Variants in SYN3 observed in about 807,000 individuals in gnomAD.
SYN3 encodes the protein synapsin-3.
A neutral mutation model predicts 65.8 loss-of-function variants in SYN3; 35 were observed. That is an observed-to-expected ratio of 0.53 (90% CI 0.41 to 0.70). The LOEUF (loss-of-function observed/expected upper bound fraction) is 0.70, where lower values mean the gene tolerates loss of function less well. Ranked by LOEUF, SYN3 falls within the 30% of genes least tolerant of loss-of-function variation. The pLI is 0.00. For missense variants in SYN3, 680 were observed against 749.0 expected, an observed-to-expected ratio of 0.91 and a Z score of 1.08; for synonymous variants, 270 against 292.9, an observed-to-expected ratio of 0.92 and a Z score of 0.80.
intron 6 of SYN3, among the ~76,000 whole-genome samples, chr22:32,687,736 C>T (rs978522066): frequency 1.9e-4 from 8 of 42,722 alleles, no homozygotes; most frequent in East Asian, 7.1e-4. Flanking sequence ...TTTTCCTCCT[C>T]GCTTCAAGGA....
intron 7 of SYN3, among the ~76,000 whole-genome samples, chr22:32,568,751 CTG>C (rs2058705914): frequency 6.6e-6 from 1 of 152,182 alleles, no homozygotes; most frequent in African/African-American, 2.4e-5. Flanking sequence ...TTTAACATAT[CTG>C]TAGCAGACAG....
chr22:32,861,902 A>G (rs2048550754), intron 6 of SYN3: 1 of 152,628 alleles, frequency 6.6e-6, no homozygotes, highest in Admixed American at 6.5e-5. Context: ...AGGCTGTAAT[A>G]TGTGTACATT....
chr22:32,772,892 G>A (rs1489103468), intron 6 of SYN3, among the ~76,000 whole-genome samples: 2 of 152,162 alleles, frequency 1.3e-5, no homozygotes, highest in Non-Finnish European at 2.9e-5. Flanking sequence ...CCATAACTGC[G>A]AGACAAAAAA....
At chr22:32,973,738 G>A (rs2052094314) in intron 3 of SYN3, among the ~76,000 whole-genome samples, 1 of 152,180 alleles carries the variant, frequency 6.6e-6, no homozygotes, top group Non-Finnish European at 1.5e-5. Flanking sequence ...TCTGCTGCTT[G>A]TTTAACATCT....
intron 6 of SYN3, among the ~76,000 whole-genome samples, chr22:32,633,062 C>T (rs892528189): frequency 7.9e-5 from 12 of 152,218 alleles, no homozygotes; most frequent in African/African-American, 2.9e-4. Flanking sequence ...CTTCTCCACT[C>T]TGAACCTTGG....
chr22:32,527,875 C>G, intron 12 of SYN3, 43 bp downstream of exon 12: 2 of 1,526,642 alleles, frequency 1.3e-6, no homozygotes, highest in South Asian at 2.4e-5. Context: ...ATTTCAGCAC[C>G]CTCACTGCAT....
chr22:32,947,371 T>C (rs989996245), intron 3 of SYN3: 3 of 152,250 alleles, frequency 2.0e-5, no homozygotes, highest in Admixed American at 2.0e-4. Context: ...CATTGTTTTA[T>C]ACCCAGCTCC....
chr22:32,727,774 T>C (rs2061216000), intron 6 of SYN3, among the ~76,000 whole-genome samples: 1 of 152,270 alleles, frequency 6.6e-6, no homozygotes. Flanking sequence ...TGCATGTATG[T>C]CTTCTTTTAA....
intron 1 of SYN3, among the ~76,000 whole-genome samples, chr22:33,023,481 C>G (rs757088072): frequency 3.3e-5 from 5 of 152,166 alleles, no homozygotes; most frequent in Non-Finnish European, 7.3e-5. Context: ...AACCCCTTTC[C>G]TTTATAAATT....
intron 7 of SYN3, among the ~76,000 whole-genome samples, chr22:32,558,435 TAGTA>T (rs1169114702): frequency 6.6e-6 from 1 of 152,210 alleles, no homozygotes; most frequent in East Asian, 1.9e-4. Context: ...AGCACCCAGC[TAGTA>T]AGTGGAGGAA....
chr22:33,056,016 T>C (rs2054248667), intron 1 of SYN3, among the ~76,000 whole-genome samples: 1 of 152,332 alleles, frequency 6.6e-6, no homozygotes. Flanking sequence ...ATTATTATAA[T>C]TATTATTTTG....
intron 6 of SYN3, among the ~76,000 whole-genome samples, chr22:32,660,287 C>A (rs1256336968): frequency 6.6e-6 from 1 of 152,222 alleles, no homozygotes; most frequent in African/African-American, 2.4e-5. Flanking sequence ...TTGCTCATCA[C>A]CTGTAACTTC....
chr22:32,573,801 G>T (rs1053521424), intron 7 of SYN3, among the ~76,000 whole-genome samples: 11 of 140,166 alleles, frequency 7.8e-5, no homozygotes, highest in Admixed American at 3.0e-4. Context: ...ACAGAGTCTC[G>T]CTGTGTCGCC....
chr22:32,933,186 T>C (rs1344994501), intron 3 of SYN3, among the ~76,000 whole-genome samples: 4 of 152,208 alleles, frequency 2.6e-5, no homozygotes, highest in African/African-American at 9.6e-5. Context: ...TTATACACAG[T>C]AGATGCCAAA....
At chr22:32,602,027 T>A (rs144878135) in intron 6 of SYN3, among the ~76,000 whole-genome samples, 112 of 152,050 alleles carry the variant, frequency 7.4e-4, no homozygotes, top group African/African-American at 2.5e-3. Flanking sequence ...TTGTCTACAA[T>A]CTCATTGTCT....
In SYN3 at chr22:33,010,393, C is replaced by T. The variant is rs927499946; in HGVS notation, c.-162-3569G>A. Among the ~76,000 whole-genome samples, 7 of 152,102 alleles carry T rather than the reference C, an allele frequency of 4.6e-5. No individual in the cohort carries two copies. The East Asian group carries it at 5.8e-4, about 13-fold the overall frequency. On this transcript the variant is annotated intron_variant, in intron 1 of 13. Coordinates refer to ENST00000358763, the MANE Select transcript of SYN3 (RefSeq NM_003490.4). ...AGGGTATGAAGTTCATTTTCAGCCC[C>T]GTTCATTTATCCAGGTTGCCAGCAC...
intron 2 of SYN3, among the ~76,000 whole-genome samples, chr22:32,982,709 T>G (rs1447501753): frequency 1.3e-5 from 2 of 152,222 alleles, no homozygotes; most frequent in East Asian, 1.9e-4. Context: ...ACCAGAGTGC[T>G]TAACACATAG....
chr22:32,700,074 G>A (rs1001210028), intron 6 of SYN3, among the ~76,000 whole-genome samples: 4 of 152,100 alleles, frequency 2.6e-5, no homozygotes, highest in African/African-American at 9.7e-5. Context: ...TCCAACAATC[G>A]AAAATTTCTG....
chr22:32,976,896 T>G (rs2052206994), intron 3 of SYN3, among the ~76,000 whole-genome samples: 1 of 152,034 alleles, frequency 6.6e-6, no homozygotes, highest in East Asian at 1.9e-4. Context: ...GGCCCTTGGT[T>G]GGGAGACAGG....
Sources: allele counts gnomAD v4.1 joint callset (sites outside exome capture counted in the v4.1 genomes callset), GRCh38; gene constraint gnomAD v4.1.1; transcripts MANE v1.5; gene names NCBI Gene and HGNC (gene_info 2026-07-23, HGNC 2026-07-21).